MAP2K5: variants seen among roughly 807,000 people sequenced by gnomAD.
The protein encoded by MAP2K5 is mitogen-activated protein kinase kinase 5.
MAP2K5 carries 49 observed loss-of-function variants against 83.1 expected under a neutral mutation model. The ratio of observed to expected loss-of-function variants is 0.59; its 90% CI spans 0.47 to 0.75. The LOEUF (loss-of-function observed/expected upper bound fraction) is 0.75, where lower values mean the gene tolerates loss of function less well. Ranked by LOEUF, MAP2K5 falls within the 30% of genes least tolerant of loss-of-function variation. MAP2K5 has a pLI of 0.00. For missense variants in MAP2K5, 457 were observed against 557.5 expected (o/e 0.82, Z 1.82); for synonymous variants, 202 against 191.8 (o/e 1.05, Z -0.44).
In MAP2K5 at chr15:67,769,198, G is replaced by A. The variant is rs139447034; in HGVS notation, c.1135-404G>A. On this transcript the variant is annotated intron_variant, in intron 19 of 21. Transcript: ENST00000178640. The surrounding 1 kb of genome is among the most constrained non-coding windows in gnomAD (Gnocchi z 5.2). ...AATAAATGTAAATAAAAAGGAAAGT[G>A]TAAATAAATAGCAAATCCAGTAAAA... Among the ~76,000 whole-genome samples the A allele has an allele frequency of 3.6e-4, 55 of 152,230 alleles. No homozygotes were observed. The East Asian group carries it at 8.1e-3, about 22-fold the overall frequency.
chr15:67,685,036 A>G (rs2087919252), intron 13 of MAP2K5, among the ~76,000 whole-genome samples: 1 of 152,208 alleles, frequency 6.6e-6, no homozygotes, highest in Admixed American at 6.5e-5. Context: ...ACAAAAAATA[A>G]TTTGAAGAAA....
intron 3 of MAP2K5, among the ~76,000 whole-genome samples, chr15:67,578,011 A>G (rs1418805300): frequency 6.6e-6 from 1 of 152,150 alleles, no homozygotes; most frequent in Admixed American, 6.5e-5. Flanking sequence ...AAAAAAAAGA[A>G]AACCCCAATT....
intron 7 of MAP2K5, among the ~76,000 whole-genome samples, chr15:67,595,411 C>A (rs769009641): frequency 1.3e-5 from 2 of 152,150 alleles, no homozygotes; most frequent in Non-Finnish European, 2.9e-5. Flanking sequence ...TTTCTGAAAC[C>A]ATTATTGCTT....
intron 7 of MAP2K5, among the ~76,000 whole-genome samples, chr15:67,593,491 G>C (rs141161022): frequency 1.4e-4 from 22 of 152,252 alleles, no homozygotes; most frequent in Admixed American, 6.5e-4. Context: ...AGCCAGTGAG[G>C]GACAAACAAG....
intron 16 of MAP2K5, among the ~76,000 whole-genome samples, chr15:67,711,160 T>C (rs2088682564): frequency 6.6e-6 from 1 of 152,276 alleles, no homozygotes; most frequent in Admixed American, 6.5e-5. Flanking sequence ...TTAGTACAAT[T>C]CCATTGCCCT....
At position 67,801,363 on chromosome 15, in the gene MAP2K5, T is replaced by G. The variant is rs2090703490; in HGVS notation, c.1243-5283T>G. Among the ~76,000 whole-genome samples the G allele has an allele frequency of 6.6e-6, 1 of 152,210 alleles. No homozygotes were observed. The highest frequency in any genetic ancestry group is 6.5e-5 in the Admixed American group (1 of 15,284). The stretch of plus-strand genomic sequence containing the variant: ...GTTGGAGTCTTTACTAGGCCAGGCT[T>G]ACTGCTTCAACAGGTTCATGAGTCC... On this transcript the variant is annotated intron_variant, in intron 21 of 21. Transcript: ENST00000178640. This position sits in a 1 kb window ranked among gnomAD's most constrained non-coding sequence, Gnocchi z 4.8.
chr15:67,724,503 T>TC lies in MAP2K5; in HGVS notation c.1045-3410dup, dbSNP rs2089045092. Among the ~76,000 whole-genome samples, 1 of 152,096 alleles carries TC rather than the reference T, an allele frequency of 6.6e-6. No homozygotes were observed. The highest frequency in any genetic ancestry group is 1.5e-5 in the Non-Finnish European group (1 of 68,002). On this transcript the variant is annotated intron_variant, in intron 16 of 21. Coordinates refer to ENST00000178640, the MANE Select transcript of MAP2K5 (RefSeq NM_145160.3). The surrounding 1 kb of genome is among the most constrained non-coding windows in gnomAD (Gnocchi z 4.4). Reference sequence around the variant, plus strand: ...CTACCTCCCCGGGCTCAGGTGATCCTCCCACACTAGCCTCCCAAGCAGCTG... The same window carrying TC: ...CTACCTCCCCGGGCTCAGGTGATCCTCCCCACACTAGCCTCCCAAGCAGCTG...
At chr15:67,766,164 A>G (rs1018686157) in intron 19 of MAP2K5, among the ~76,000 whole-genome samples, 2 of 152,160 alleles carry the variant, frequency 1.3e-5, no homozygotes, top group African/African-American at 4.8e-5. Flanking sequence ...TTTTTACATA[A>G]CAGTTGCCTG....
At chr15:67,648,710 G>A (rs528528494) in intron 11 of MAP2K5, among the ~76,000 whole-genome samples, 6 of 151,836 alleles carry the variant, frequency 4.0e-5, no homozygotes, top group African/African-American at 7.2e-5. Context: ...TCAGCCTCCC[G>A]AGTAGCTGGG....
At chr15:67,803,316 G>T (rs1168614456) in intron 21 of MAP2K5, among the ~76,000 whole-genome samples, 1 of 152,220 alleles carries the variant, frequency 6.6e-6, no homozygotes, top group Non-Finnish European at 1.5e-5. Flanking sequence ...TTGCCAAGAT[G>T]CCTAGGGCAT....
chr15:67,554,077 T>A (rs79803943), intron 2 of MAP2K5, among the ~76,000 whole-genome samples: 2 of 152,162 alleles, frequency 1.3e-5, no homozygotes, highest in African/African-American at 4.8e-5. Flanking sequence ...TTGGTTTTTT[T>A]GAAATGGTCT....
chr15:67,622,778 T>G (rs980357370), intron 8 of MAP2K5, among the ~76,000 whole-genome samples: 1 of 152,154 alleles, frequency 6.6e-6, no homozygotes, highest in African/African-American at 2.4e-5. Flanking sequence ...AGGAGAAGCA[T>G]CAAAGTTTAA....
At chr15:67,712,701 G>A (rs2088722076) in intron 16 of MAP2K5, among the ~76,000 whole-genome samples, 2 of 152,110 alleles carry the variant, frequency 1.3e-5, no homozygotes, top group African/African-American at 2.4e-5. Flanking sequence ...GGCGGATCAC[G>A]AGGTCAGGAG....
intron 8 of MAP2K5, among the ~76,000 whole-genome samples, chr15:67,627,197 C>T (rs986410532): frequency 3.3e-5 from 5 of 152,274 alleles, no homozygotes; most frequent in East Asian, 3.9e-4. Context: ...GATCCTCCTG[C>T]GTTGGCTTCC....
At position 67,708,867 on chromosome 15, in the gene MAP2K5, T is replaced by C. The variant is rs763061601; in HGVS notation, c.1044+5459T>C. ...GCAAAGAAACTTTAATATCAGACTATCTTTTATCCAGGGACAGAATCGCTT... is the reference window on the plus strand; with the variant it reads ...GCAAAGAAACTTTAATATCAGACTACCTTTTATCCAGGGACAGAATCGCTT... On this transcript the variant is annotated intron_variant, in intron 16 of 21. Coordinates refer to ENST00000178640, the MANE Select transcript of MAP2K5 (RefSeq NM_145160.3). This position sits in a 1 kb window ranked among gnomAD's most constrained non-coding sequence, Gnocchi z 4.9. 7.9e-5 allele frequency among the ~76,000 whole-genome samples: 12 copies of C among 152,216 alleles called. No homozygotes were observed. The highest frequency in any genetic ancestry group is 1.5e-4 in the Non-Finnish European group (10 of 68,036).
intron 8 of MAP2K5, among the ~76,000 whole-genome samples, chr15:67,621,204 A>G (rs1252662451): frequency 6.6e-6 from 1 of 152,168 alleles, no homozygotes; most frequent in African/African-American, 2.4e-5. Flanking sequence ...TACTAGAGAA[A>G]TGTTATGAAA....
At chr15:67,739,069 C>G (rs2089409751) in intron 17 of MAP2K5, among the ~76,000 whole-genome samples, 1 of 151,996 alleles carries the variant, frequency 6.6e-6, no homozygotes, top group African/African-American at 2.4e-5. Context: ...CACGTGAGCC[C>G]AGGAGTTTGA....
chr15:67,568,832 C>A (rs1421953917), intron 3 of MAP2K5, among the ~76,000 whole-genome samples: 1 of 151,652 alleles, frequency 6.6e-6, no homozygotes, highest in African/African-American at 2.4e-5. Context: ...CTGTGAAACC[C>A]CATTTCTACT....
chr15:67,570,872 GA>G (rs1276689510), intron 3 of MAP2K5, among the ~76,000 whole-genome samples: 6 of 152,092 alleles, frequency 3.9e-5, no homozygotes, highest in Non-Finnish European at 4.4e-5. Flanking sequence ...TCATTAGTAT[GA>G]AAAAAACAGC....
Sources: allele counts gnomAD v4.1 joint callset (sites outside exome capture counted in the v4.1 genomes callset), GRCh38; gene constraint gnomAD v4.1.1; non-coding constraint Gnocchi (gnomAD v3.1); transcripts MANE v1.5; gene names NCBI Gene and HGNC (gene_info 2026-07-23, HGNC 2026-07-21).